CWC27: variants seen among roughly 807,000 people sequenced by gnomAD.
CWC27 encodes CWC27 spliceosome associated cyclophilin, also known as spliceosome-associated protein CWC27 homolog.
CWC27 carries 47 observed loss-of-function variants against 63.6 expected under a neutral mutation model. The observed-to-expected ratio is 0.74, with a 90% CI of 0.58 to 0.94. The LOEUF (loss-of-function observed/expected upper bound fraction) is 0.94, where lower values mean the gene tolerates loss of function less well. Ranked by LOEUF, CWC27 falls within the 40% of genes least tolerant of loss-of-function variation. The pLI is 0.00. For missense variants in CWC27, 495 were observed against 554.3 expected, an observed-to-expected ratio of 0.89 and a Z score of 1.07; for synonymous variants, 175 against 179.8, an observed-to-expected ratio of 0.97 and a Z score of 0.22.
intron 10 of CWC27, among the ~76,000 whole-genome samples, chr5:64,817,280 AGAGGCCTTT>A (rs2112239400): frequency 6.6e-6 from 1 of 152,196 alleles, no homozygotes; most frequent in Non-Finnish European, 1.5e-5. Flanking sequence ...ATCTTAACAG[AGAGGCCTTT>A]TCAGACTATA....
intron 10 of CWC27, among the ~76,000 whole-genome samples, chr5:64,860,032 G>C (rs1307104535): frequency 6.6e-6 from 1 of 152,106 alleles, no homozygotes; most frequent in East Asian, 1.9e-4. Flanking sequence ...CTACAAGGTA[G>C]TTACTATGGT....
intron 11 of CWC27, among the ~76,000 whole-genome samples, chr5:64,933,108 T>C (rs1748272061): frequency 6.6e-6 from 1 of 152,196 alleles, no homozygotes; most frequent in African/African-American, 2.4e-5. Context: ...CAGATAGATC[T>C]TGGGTAAAAT....
chr5:64,944,007 T>C (rs1299833688), intron 11 of CWC27, among the ~76,000 whole-genome samples: 1 of 152,090 alleles, frequency 6.6e-6, no homozygotes, highest in African/African-American at 2.4e-5. Context: ...GAGCTGTTTG[T>C]AGTCTTAGGT....
intron 10 of CWC27, among the ~76,000 whole-genome samples, chr5:64,873,090 A>T (rs1042693560): frequency 3.9e-5 from 6 of 152,220 alleles, no homozygotes; most frequent in African/African-American, 1.2e-4. Context: ...AGAAAAGAAA[A>T]TAGAAACCCA....
chr5:64,971,972 A>G (rs1051549316), intron 12 of CWC27, among the ~76,000 whole-genome samples, 160 bp downstream of exon 12: 1 of 152,224 alleles, frequency 6.6e-6, no homozygotes, highest in Admixed American at 6.5e-5. Context: ...CCACTCACAT[A>G]AAGATTCAAA....
chr5:64,855,550 T>G (rs1746233021), intron 10 of CWC27, among the ~76,000 whole-genome samples: 1 of 152,134 alleles, frequency 6.6e-6, no homozygotes. Flanking sequence ...CAAAACTAAG[T>G]GCCATGAGGA....
At chr5:64,801,578 G>C (rs1005602323) in intron 9 of CWC27, among the ~76,000 whole-genome samples, 1 of 151,828 alleles carries the variant, frequency 6.6e-6, no homozygotes, top group Admixed American at 6.6e-5. Context: ...TGAATTTCTA[G>C]TCTGTTTTTT....
chr5:64,814,079 A>ATTT lies in CWC27; in HGVS notation c.938+9705_938+9707dup, dbSNP rs74634111. 1.0e-3 allele frequency among the ~76,000 whole-genome samples: 146 copies of ATTT among 142,770 alleles called. 1 individual carries two copies. The highest frequency in any genetic ancestry group is 3.6e-3 in the African/African-American group (140 of 39,090). 93.7% of individuals were successfully genotyped at this position (142,770 alleles called of 152,430 possible). A position where few individuals can be genotyped will look rare whatever the true frequency, so the allele number is the denominator to read the frequency against. On this transcript the variant is annotated intron_variant, in intron 10 of 13. Transcript: ENST00000381070. ...AAAACATTATGAGATTTTTTTTGCGATTTTTTTTTTTTTTAGGTCATCAAC... is the reference window on the plus strand; with the variant it reads ...AAAACATTATGAGATTTTTTTTGCGATTTTTTTTTTTTTTTTTAGGTCATCAAC...
At chr5:64,990,867 C>T (rs1749525724) in intron 13 of CWC27, among the ~76,000 whole-genome samples, 1 of 152,152 alleles carries the variant, frequency 6.6e-6, no homozygotes, top group Non-Finnish European at 1.5e-5. Flanking sequence ...AATGCTATAG[C>T]ACAGTATTTA....
chr5:64,999,805 G>A (rs1392507004), intron 13 of CWC27, among the ~76,000 whole-genome samples: 1 of 152,084 alleles, frequency 6.6e-6, no homozygotes, highest in Non-Finnish European at 1.5e-5. Context: ...ACATGTGGGT[G>A]CAGAAGTCCT....
intron 10 of CWC27, among the ~76,000 whole-genome samples, chr5:64,875,261 G>GT (rs1746769475): frequency 6.6e-6 from 1 of 152,040 alleles, no homozygotes; most frequent in Admixed American, 6.5e-5. Context: ...TATGGAAGGA[G>GT]TAAGATTGTA....
chr5:64,917,411 T>C (rs1747910909), intron 11 of CWC27, among the ~76,000 whole-genome samples: 1 of 152,202 alleles, frequency 6.6e-6, no homozygotes, highest in African/African-American at 2.4e-5. Flanking sequence ...AATTGAATTA[T>C]GTTAGTTTTT....
intron 13 of CWC27, among the ~76,000 whole-genome samples, chr5:64,994,599 G>A (rs1317975359): frequency 6.6e-6 from 1 of 152,044 alleles, no homozygotes; most frequent in Non-Finnish European, 1.5e-5. Flanking sequence ...TCAAAACAAT[G>A]TGTAAAACAT....
chr5:64,831,475 G>GAGAT (rs3075244), intron 10 of CWC27, among the ~76,000 whole-genome samples: 84,265 of 148,106 alleles, frequency 0.57, 23,973 homozygotes, highest in East Asian at 0.67. Context: ...TTATTTATTT[G>GAGAT]AGATAGATAG....
chr5:64,939,637 C>T (rs1186299441), intron 11 of CWC27, among the ~76,000 whole-genome samples: 2 of 152,178 alleles, frequency 1.3e-5, no homozygotes, highest in Admixed American at 6.5e-5. Context: ...TAGCAGAGCT[C>T]GAGTGCTGTG....
intron 11 of CWC27, among the ~76,000 whole-genome samples, chr5:64,909,220 T>C (rs184187118): frequency 6.6e-6 from 1 of 152,310 alleles, no homozygotes; most frequent in East Asian, 1.9e-4. Context: ...CCCCCACTCT[T>C]CTGGCTTGTA....
At position 64,855,104 on chromosome 5, in the gene CWC27, T is replaced by G. The variant is rs1225987712; in HGVS notation, c.939-30339T>G. Among the ~76,000 whole-genome samples, 2 of 152,198 alleles carry G rather than the reference T, an allele frequency of 1.3e-5. 1 individual carries two copies. The highest frequency in any genetic ancestry group is 2.9e-5 in the Non-Finnish European group (2 of 68,018). On this transcript the variant is annotated intron_variant, in intron 10 of 13. Coordinates refer to ENST00000381070, the MANE Select transcript of CWC27 (RefSeq NM_005869.4). ...GTGAATGTGGTCATGTTTAAACTTT[T>G]GCTATCTTTAATAAATGCTTGGTAA...
chr5:64,887,935 A>G (rs1163005743), intron 11 of CWC27, among the ~76,000 whole-genome samples: 1 of 152,170 alleles, frequency 6.6e-6, no homozygotes, highest in African/African-American at 2.4e-5. Context: ...TAAGCACTCT[A>G]ACAAAATACT....
intron 13 of CWC27, among the ~76,000 whole-genome samples, chr5:65,003,094 T>C (rs186605697): frequency 2.6e-5 from 4 of 152,348 alleles, no homozygotes; most frequent in Non-Finnish European, 5.9e-5. Flanking sequence ...CTGAGATAAG[T>C]ATAGCTATTT....
Sources: gnomAD v4.1 joint callset for allele counts (sites outside exome capture counted in the v4.1 genomes callset) on GRCh38, gnomAD v4.1.1 for gene constraint, MANE v1.5 for transcripts, NCBI Gene and HGNC (gene_info 2026-07-23, HGNC 2026-07-21) for gene names.